The following ADAMTS3 variants were observed in gnomAD, a reference collection of about 807,000 sequenced individuals.
ADAMTS3 encodes ADAM metallopeptidase with thrombospondin type 1 motif 3.
In ADAMTS3, 73 loss-of-function variants were observed where a neutral mutation model predicts 129.0. That is an observed-to-expected ratio of 0.57 (90% CI 0.47 to 0.69). ADAMTS3 has a LOEUF of 0.69. ADAMTS3 is among the 30% of genes least tolerant of loss of function. ADAMTS3 has a pLI of 0.00. For synonymous variants in ADAMTS3, 477 were observed against 510.8 expected, an observed-to-expected ratio of 0.93 and a Z score of 0.89; for missense variants, 1,457 against 1,514.5, an observed-to-expected ratio of 0.96 and a Z score of 0.63.
chr4:72,562,814 A>C (rs1578798693), intron 2 of ADAMTS3, among the ~76,000 whole-genome samples: 1 of 152,324 alleles, frequency 6.6e-6, no homozygotes, highest in African/African-American at 2.4e-5. Context: ...GTTTAGGAAT[A>C]AAATTTGATC....
At position 72,556,209 on chromosome 4, in the gene ADAMTS3, C is replaced by T. The variant is rs560106212; in HGVS notation, c.98-7325G>A. ...GAGCTTCTTGGGAGATTGCTCTGTG[C>T]TGGGGCTGGTAAGGTGCACTGTATG... On this transcript the variant is annotated intron_variant, in intron 2 of 21. Coordinates refer to ENST00000286657, the MANE Select transcript of ADAMTS3 (RefSeq NM_014243.3). Among the ~76,000 whole-genome samples the T allele has an allele frequency of 5.3e-5, 8 of 151,768 alleles. No individual in the cohort carries two copies. In the East Asian group the frequency reaches 1.6e-3, roughly 29 times the overall value.
intron 3 of ADAMTS3, among the ~76,000 whole-genome samples, chr4:72,422,011 C>T (rs1268529282): frequency 1.3e-5 from 2 of 152,142 alleles, no homozygotes; most frequent in Admixed American, 6.5e-5. Flanking sequence ...CACTGTCATA[C>T]ATAACCTCAA....
intron 3 of ADAMTS3, among the ~76,000 whole-genome samples, chr4:72,504,600 G>A (rs1041429110): frequency 6.6e-6 from 1 of 151,692 alleles, no homozygotes; most frequent in African/African-American, 2.4e-5. Context: ...TCTTATACTT[G>A]GATATCTACC....
At chr4:72,297,581 G>T (rs1280219386) in intron 18 of ADAMTS3, among the ~76,000 whole-genome samples, 1 of 152,130 alleles carries the variant, frequency 6.6e-6, no homozygotes, top group Non-Finnish European at 1.5e-5. Context: ...CTAGAGGAAT[G>T]GATGATGGGA....
intron 6 of ADAMTS3, among the ~76,000 whole-genome samples, chr4:72,322,221 AATG>A (rs1719574476): frequency 6.6e-6 from 1 of 152,224 alleles, no homozygotes; most frequent in African/African-American, 2.4e-5. Context: ...ATCATTATAA[AATG>A]ATAAGTGGAT....
At chr4:72,462,598 T>TTA (rs1718801079) in intron 3 of ADAMTS3, among the ~76,000 whole-genome samples, 1 of 151,956 alleles carries the variant, frequency 6.6e-6, no homozygotes, top group African/African-American at 2.4e-5. Flanking sequence ...GACGTCTTAA[T>TTA]GATCCTGATC....
At chr4:72,296,983 T>C (rs1718825723) in intron 18 of ADAMTS3, among the ~76,000 whole-genome samples, 2 of 152,142 alleles carry the variant, frequency 1.3e-5, no homozygotes, top group Non-Finnish European at 2.9e-5. Context: ...TTTAACTGTG[T>C]TCTAATGATG....
At chr4:72,436,928 C>T (rs1717950858) in intron 3 of ADAMTS3, among the ~76,000 whole-genome samples, 1 of 151,970 alleles carries the variant, frequency 6.6e-6, no homozygotes, top group Non-Finnish European at 1.5e-5. Context: ...ATGGGTGCAG[C>T]ACACCAACAT....
chr4:72,456,679 G>T (rs11732974), intron 3 of ADAMTS3, among the ~76,000 whole-genome samples: 99,962 of 151,018 alleles, frequency 0.66, 33,808 homozygotes, highest in South Asian at 0.81. Context: ...GTTCATTTCC[G>T]CATGATCCCT....
intron 17 of ADAMTS3, 29 bp from the exon 18 acceptor site, chr4:72,298,471 A>G (rs752558692): frequency 1.3e-6 from 2 of 1,525,032 alleles, no homozygotes; most frequent in East Asian, 4.5e-5. Context: ...CAATATGTAA[A>G]TCACCTGAGG....
chr4:72,379,546 C>G (rs921007566), intron 4 of ADAMTS3, among the ~76,000 whole-genome samples: 1 of 151,568 alleles, frequency 6.6e-6, no homozygotes, highest in African/African-American at 2.4e-5. Context: ...GAAATAAGTT[C>G]AAGTCAATCA....
intron 4 of ADAMTS3, among the ~76,000 whole-genome samples, chr4:72,380,330 A>G (rs1249899780): frequency 6.6e-6 from 1 of 152,138 alleles, no homozygotes; most frequent in African/African-American, 2.4e-5. Context: ...CCATGCACAG[A>G]AAGTTTAAAC....
intron 3 of ADAMTS3, among the ~76,000 whole-genome samples, chr4:72,459,467 A>G (rs1224700637): frequency 6.6e-6 from 1 of 151,634 alleles, no homozygotes; most frequent in Admixed American, 6.6e-5. Flanking sequence ...TAGAATCATG[A>G]TTAAGAGCGT....
chr4:72,411,118 T>C lies in ADAMTS3; in HGVS notation c.661+3697A>G, dbSNP rs138293463. On this transcript the variant is annotated intron_variant, in intron 4 of 21. Coordinates refer to ENST00000286657, the MANE Select transcript of ADAMTS3 (RefSeq NM_014243.3). ...AAACATATTTTTAAACAACTCTTCATATGTTTCACATTGTGAAAACAATAC... is the reference window on the plus strand; with the variant it reads ...AAACATATTTTTAAACAACTCTTCACATGTTTCACATTGTGAAAACAATAC... 1.3e-4 allele frequency among the ~76,000 whole-genome samples: 20 copies of C among 152,270 alleles called. No individual in the cohort carries two copies. The East Asian group carries it at 3.3e-3, about 25-fold the overall frequency.
chr4:72,548,651 G>A lies in ADAMTS3; in HGVS notation c.331C>T (p.His111Tyr), dbSNP rs558987647. The change falls in exon 3 of 22, where the codon CAT becomes TAT. Residue 111 changes from histidine (H) to tyrosine (Y), a missense_variant. Physicochemically the swap from His to Tyr is moderately conservative, Grantham distance 83. Transcript: ENST00000286657. ...TTCCCAGGCACCAGAGATGTCTCAT[G>A]CCACTCCACAACAGCCCCAGGAGCT... Reference protein sequence around the residue: ...LVAPGAVVEWHETSLVPGNIT... With the variant: ...LVAPGAVVEWYETSLVPGNIT... The A allele has an allele frequency of 7.1e-4, 1,143 of 1,613,986 alleles. 21 individuals carry two copies. In the South Asian group the frequency reaches 0.012, roughly 17 times the overall value.
chr4:72,324,274 T>C (rs1032348969), intron 5 of ADAMTS3, among the ~76,000 whole-genome samples: 1 of 152,196 alleles, frequency 6.6e-6, no homozygotes, highest in African/African-American at 2.4e-5. Context: ...CAAATCATAG[T>C]ATTTTGATTT....
chr4:72,550,056 AGGAAG>A lies in ADAMTS3; in HGVS notation c.98-1177_98-1173del, dbSNP rs1445157582. On this transcript the variant is annotated intron_variant, in intron 2 of 21. Transcript: ENST00000286657. ...GAAGAAGAAGAAGAGGAAGAGGAAG[AGGAAG>A]AGGAAGAGGAAGAGGAAGAGGAAGA... Among the ~76,000 whole-genome samples the A allele has an allele frequency of 2.8e-3, 21 of 7,618 alleles. 3 individuals carry two copies. Among genetic ancestry groups the A allele is most frequent in the African/African-American group, 8.2e-3 (21 of 2,552 alleles). 5.0% of individuals were successfully genotyped at this position (7,618 alleles called of 152,430 possible).
intron 3 of ADAMTS3, among the ~76,000 whole-genome samples, chr4:72,510,374 C>A (rs183913463): frequency 6.6e-6 from 1 of 151,912 alleles, no homozygotes; most frequent in Non-Finnish European, 1.5e-5. Flanking sequence ...TTGGAAAAAC[C>A]TAAACACTCC....
rs901477759 is a variant in ADAMTS3 at position 72,281,742 on chromosome 4, T to A, written c.*1394A>T. On this transcript the variant is annotated 3_prime_UTR_variant, in exon 22 of 22. Transcript: ENST00000286657. ...CACAGAACAAAGCATGCATCTCTAA[T>A]TATGTCTCTCTAGTTTACCAAAATA... 6.6e-6 allele frequency: 1 copy of A among 152,196 alleles called. No individual in the cohort carries two copies. The allele number at this position is 152,196 out of a possible 1,614,324, so 9.4% of individuals were successfully genotyped here. A position where few individuals can be genotyped will look rare whatever the true frequency, so the allele number is the denominator to read the frequency against.
Sources: gnomAD v4.1 joint callset for allele counts (sites outside exome capture counted in the v4.1 genomes callset) on GRCh38, gnomAD v4.1.1 for gene constraint, MANE v1.5 for transcripts, NCBI Gene and HGNC (gene_info 2026-07-23, HGNC 2026-07-21) for gene names.